Variants in PLD5 observed in about 807,000 individuals in gnomAD.
The protein encoded by PLD5 is phospholipase D family member 5.
A neutral mutation model predicts 61.1 loss-of-function variants in PLD5; 36 were observed. The observed-to-expected ratio is 0.59, with a 90% CI of 0.45 to 0.78. The LOEUF (loss-of-function observed/expected upper bound fraction) is 0.78, where lower values mean the gene tolerates loss of function less well. Among genes scored for constraint, PLD5 ranks in the 30% least tolerant of loss-of-function variants. The probability of loss-of-function intolerance (pLI) is 0.00; values close to 1 mark genes in which losing one functional copy is unlikely to be tolerated. For missense variants in PLD5, 515 were observed against 644.4 expected, an observed-to-expected ratio of 0.80 and a Z score of 2.17; for synonymous variants, 243 against 242.8, an observed-to-expected ratio of 1.00 and a Z score of -0.01.
intron 2 of PLD5, among the ~76,000 whole-genome samples, chr1:242,320,745 C>T (rs1421560263): frequency 2.6e-5 from 4 of 152,106 alleles, no homozygotes; most frequent in African/African-American, 7.2e-5. Flanking sequence ...TGGGAGTTCT[C>T]CTCCCTGGCA....
At chr1:242,372,595 A>C (rs1661698476) in intron 1 of PLD5, among the ~76,000 whole-genome samples, 1 of 152,196 alleles carries the variant, frequency 6.6e-6, no homozygotes, top group Admixed American at 6.5e-5. Flanking sequence ...CAAAACAGAG[A>C]TATAGACCAA....
At chr1:242,383,848 G>T (rs2149258209) in intron 1 of PLD5, among the ~76,000 whole-genome samples, 1 of 152,298 alleles carries the variant, frequency 6.6e-6, no homozygotes, top group East Asian at 1.9e-4. Flanking sequence ...GCATTTTCCT[G>T]AGGTTTCTTC....
chr1:242,242,616 A>G (rs1312612773), intron 4 of PLD5, among the ~76,000 whole-genome samples: 1 of 152,224 alleles, frequency 6.6e-6, no homozygotes, highest in East Asian at 1.9e-4. Context: ...TCGTAGACAC[A>G]TAATTCCACT....
At chr1:242,509,579 G>C (rs923105683) in intron 1 of PLD5, among the ~76,000 whole-genome samples, 4 of 151,924 alleles carry the variant, frequency 2.6e-5, no homozygotes, top group African/African-American at 9.7e-5. Flanking sequence ...CTTGTTTTTT[G>C]TTAAAGAAAA....
chr1:242,491,185 T>C (rs533727339), intron 1 of PLD5, among the ~76,000 whole-genome samples: 1 of 152,252 alleles, frequency 6.6e-6, no homozygotes, highest in Non-Finnish European at 1.5e-5. Flanking sequence ...TCAGTATACT[T>C]ACCTACAGCA....
chr1:242,507,754 C>T (rs1356832728), intron 1 of PLD5, among the ~76,000 whole-genome samples: 1 of 152,122 alleles, frequency 6.6e-6, no homozygotes, highest in Non-Finnish European at 1.5e-5. Context: ...AAATGTTTTC[C>T]TAGATAAATA....
rs544829046 is a variant in PLD5 at position 242,407,886 on chromosome 1, G to A, written c.190-59644C>T. 6.6e-5 allele frequency among the ~76,000 whole-genome samples: 10 copies of A among 151,062 alleles called. No individual in the cohort carries two copies. In the South Asian group the frequency reaches 2.1e-3, roughly 32 times the overall value. On this transcript the variant is annotated intron_variant, in intron 1 of 9. Coordinates refer to ENST00000536534, the MANE Select transcript of PLD5 (RefSeq NM_001372062.1). Reference sequence around the variant, plus strand: ...GCCACTGAGCCCAGCCAAATATACAGATTTTAAAGACAAAAGGGAAGCAAA... The same window carrying A: ...GCCACTGAGCCCAGCCAAATATACAAATTTTAAAGACAAAAGGGAAGCAAA...
chr1:242,433,531 T>C (rs555527992), intron 1 of PLD5, among the ~76,000 whole-genome samples: 28 of 152,376 alleles, frequency 1.8e-4, no homozygotes, highest in African/African-American at 6.7e-4. Context: ...TATTCATCTA[T>C]TTATTCATTC....
intron 7 of PLD5, among the ~76,000 whole-genome samples, chr1:242,108,695 G>A (rs1363106264): frequency 1.3e-5 from 2 of 152,132 alleles, no homozygotes; most frequent in African/African-American, 4.8e-5. Context: ...CCTGACATTT[G>A]TAGACCTTTT....
At chr1:242,092,281 G>T (rs915201752) in intron 9 of PLD5, among the ~76,000 whole-genome samples, 1 of 151,882 alleles carries the variant, frequency 6.6e-6, no homozygotes, top group Non-Finnish European at 1.5e-5. Flanking sequence ...TGCAACCACC[G>T]GAACCAGCTT....
In PLD5 at chr1:242,303,227, C is replaced by T. The variant is rs114610030; in HGVS notation, c.327-14697G>A. 4.5e-3 allele frequency among the ~76,000 whole-genome samples: 678 copies of T among 152,322 alleles called. 4 individuals carry two copies. The highest frequency in any genetic ancestry group is 5.9e-3 in the Non-Finnish European group (400 of 68,030). On this transcript the variant is annotated intron_variant, in intron 2 of 9. Coordinates refer to ENST00000536534, the MANE Select transcript of PLD5 (RefSeq NM_001372062.1). ...TACATGCTGACTCTCCTGACTCACA[C>T]GCCCAATGCTGGCAATGATAGTCAA...
chr1:242,385,294 G>C (rs901008676), intron 1 of PLD5, among the ~76,000 whole-genome samples: 1 of 152,120 alleles, frequency 6.6e-6, no homozygotes, highest in Admixed American at 6.5e-5. Flanking sequence ...GGGAAACTGA[G>C]GCAGGGCTTG....
chr1:242,425,954 A>G (rs1283514402), intron 1 of PLD5, among the ~76,000 whole-genome samples: 1 of 152,050 alleles, frequency 6.6e-6, no homozygotes, highest in Non-Finnish European at 1.5e-5. Flanking sequence ...GCTTACTGTA[A>G]CTTTTTTAGT....
At chr1:242,148,576 G>C (rs1158850126) in intron 5 of PLD5, among the ~76,000 whole-genome samples, 2 of 151,860 alleles carry the variant, frequency 1.3e-5, no homozygotes, top group African/African-American at 4.8e-5. Context: ...CAGTTTGAGG[G>C]TAAGTAACAT....
At chr1:242,292,736 C>T (rs1339021746) in intron 2 of PLD5, among the ~76,000 whole-genome samples, 1 of 152,200 alleles carries the variant, frequency 6.6e-6, no homozygotes, top group Non-Finnish European at 1.5e-5. Flanking sequence ...AAAAATTTTC[C>T]TCCTGTGGTA....
At chr1:242,167,116 AAATAG>A (rs1666380178) in intron 5 of PLD5, among the ~76,000 whole-genome samples, 1 of 116,672 alleles carries the variant, frequency 8.6e-6, no homozygotes, top group Non-Finnish European at 1.8e-5. Context: ...TAATAATAAT[AAATAG>A]TAGCCATGTT....
chr1:242,163,196 T>C (rs985674599), intron 5 of PLD5, among the ~76,000 whole-genome samples: 2 of 149,816 alleles, frequency 1.3e-5, no homozygotes, highest in East Asian at 4.0e-4. Context: ...CAGGCTGGAG[T>C]GCAGTGGCGC....
At chr1:242,497,000 A>G (rs1228850546) in intron 1 of PLD5, among the ~76,000 whole-genome samples, 1 of 152,216 alleles carries the variant, frequency 6.6e-6, no homozygotes, top group Non-Finnish European at 1.5e-5. Context: ...TCTGTGGAAG[A>G]GAAACACACA....
At chr1:242,408,820 G>A (rs941089741) in intron 1 of PLD5, among the ~76,000 whole-genome samples, 2 of 152,144 alleles carry the variant, frequency 1.3e-5, no homozygotes, top group Admixed American at 1.3e-4. Context: ...TGTAATCCCA[G>A]CACTTTAGGA....
Sources: allele counts gnomAD v4.1 joint callset (sites outside exome capture counted in the v4.1 genomes callset), GRCh38; gene constraint gnomAD v4.1.1; transcripts MANE v1.5; gene names NCBI Gene and HGNC (gene_info 2026-07-23, HGNC 2026-07-21).